EPHA2: variants seen among roughly 807,000 people sequenced by gnomAD.
The protein encoded by EPHA2 is ephrin type-A receptor 2.
Under a neutral mutation model 104.9 loss-of-function variants are expected in EPHA2, and 54 were observed. The ratio of observed to expected loss-of-function variants is 0.51; its 90% CI spans 0.41 to 0.65. The LOEUF (loss-of-function observed/expected upper bound fraction) is 0.65, where lower values mean the gene tolerates loss of function less well. EPHA2 is among the 30% of genes least tolerant of loss of function. The probability of loss-of-function intolerance (pLI) is 0.00; values close to 1 mark genes in which losing one functional copy is unlikely to be tolerated. For missense variants in EPHA2, 1,117 were observed against 1,369.5 expected (o/e 0.82, Z 2.91); for synonymous variants, 560 against 559.1 (o/e 1.00, Z -0.02).
intron 3 of EPHA2, among the ~76,000 whole-genome samples, chr1:16,145,962 CGCT>C (rs2024924415): frequency 6.6e-6 from 1 of 152,204 alleles, no homozygotes; most frequent in South Asian, 2.1e-4. Context: ...GTGTGGATTC[CGCT>C]CGCATGTCTG....
chr1:16,138,051 C>G lies in EPHA2; in HGVS notation c.1114G>C (p.Glu372Gln), dbSNP rs778369677. 5 of 1,613,054 alleles carry G rather than the reference C, an allele frequency of 3.1e-6. No individual in the cohort carries two copies. The African/African-American group carries it at 6.7e-5, about 22-fold the overall frequency. Residue 372 changes from glutamate (E) to glutamine (Q), a missense_variant, in exon 5 of 17, where the codon GAG (glutamate) becomes CAG (glutamine). By Grantham distance (29) the Glu-to-Gln change is conservative. Transcript: ENST00000358432. ...YSVTCEQCWP[E>Q]SGECGPCEAS... ...TCACACGGCCCGCATTCCCCAGACT[C>G]GGGCCAGCACTGTTCGCAGGTGACG...
chr1:16,129,154 CAT>C (rs2024525347), intron 16 of EPHA2, among the ~76,000 whole-genome samples: 1 of 151,120 alleles, frequency 6.6e-6, no homozygotes, highest in Non-Finnish European at 1.5e-5. Context: ...AGAGACGGCA[CAT>C]AGCCCTCAGT....
At position 16,148,597 on chromosome 1, in the gene EPHA2, G is replaced by T; in HGVS notation, c.604C>A (p.Pro202Thr). ...TGGGCCAGGCCCTGCAGCAGCTCGGGGCACTTCTTGTAGTAGACACGGACG... is the reference window on the plus strand; with the variant it reads ...TGGGCCAGGCCCTGCAGCAGCTCGGTGCACTTCTTGTAGTAGACACGGACG... Reference protein sequence around the residue: ...LSVRVYYKKCPELLQGLAHFP... With the variant: ...LSVRVYYKKCTELLQGLAHFP... Residue 202 changes from proline to threonine, a missense_variant, in exon 3 of 17, where the codon CCC becomes ACC. By Grantham distance (38) the Pro-to-Thr change is conservative (BLOSUM62 -1). Coordinates refer to ENST00000358432, the MANE Select transcript of EPHA2 (RefSeq NM_004431.5). The surrounding 1 kb of genome is among the most constrained non-coding windows in gnomAD (Gnocchi z 4.9). 6.2e-7 allele frequency: 1 copy of T among 1,610,224 alleles called. No homozygotes were observed. Among genetic ancestry groups the T allele is most frequent in the Non-Finnish European group, 8.5e-7 (1 of 1,179,986 alleles).
chr1:16,135,574 TG>T lies in EPHA2; in HGVS notation c.1428+80del, dbSNP rs765551238. The T allele has an allele frequency of 1.5e-6, 2 of 1,330,774 alleles. No homozygotes were observed. Among genetic ancestry groups the T allele is most frequent in the Non-Finnish European group, 1.1e-6 (1 of 923,750 alleles). 82.4% of individuals were successfully genotyped at this position (1,330,774 alleles called of 1,614,324 possible). The stretch of plus-strand genomic sequence containing the variant: ...AAGGGTGCTTCTTCAGATGGCTGGG[TG>T]GTTTGGTGATCATCTATGTGACCAG... On this transcript the variant is annotated intron_variant, in intron 6 of 16. Transcript: ENST00000358432. The surrounding 1 kb of genome is among the most constrained non-coding windows in gnomAD (Gnocchi z 4.3).
Position 16,148,137 on chromosome 1 carries a change from A to C in EPHA2, c.823+241T>G, listed in dbSNP as rs1275034527. On this transcript the variant is annotated intron_variant, in intron 3 of 16. Transcript: ENST00000358432. The surrounding 1 kb of genome is among the most constrained non-coding windows in gnomAD (Gnocchi z 4.9). ...GTGATCCACCCACCTCAGCCTCCCA[A>C]AGTGCTGGGATTACAGGCATGAGCC... Among the ~76,000 whole-genome samples, 1 of 152,062 alleles carries C rather than the reference A, an allele frequency of 6.6e-6. No homozygotes were observed. Among genetic ancestry groups the C allele is most frequent in the African/African-American group, 2.4e-5 (1 of 41,414 alleles).
chr1:16,133,745 G>C (rs966475470), intron 9 of EPHA2, 115 bp downstream of exon 9: 1 of 1,484,706 alleles, frequency 6.7e-7, no homozygotes, highest in African/African-American at 1.4e-5. Context: ...AGCTGCCCAC[G>C]GAAGCCTGTG....
Position 16,132,450 on chromosome 1 carries a change from G to A in EPHA2, c.2054-11C>T, listed in dbSNP as rs767606255. ...TCATCATGGGCTTGTCTGTAGGGGG[G>A]TGGGCACAGGTGAGAGGTAAGTGGG... On this transcript the variant is annotated splice_polypyrimidine_tract_variant and intron_variant, in intron 11 of 16. Coordinates refer to ENST00000358432, the MANE Select transcript of EPHA2 (RefSeq NM_004431.5). The A allele has an allele frequency of 1.9e-6, 3 of 1,613,516 alleles. No homozygotes were observed. The African/African-American group carries it at 4.0e-5, about 22-fold the overall frequency.
rs780914043 is a variant in EPHA2 at position 16,130,456 on chromosome 1, A to G, written c.2476-37T>C. ...CGAAGGTCAGGGGCGCTGTTGCAGA[A>G]AGCCACTGAAACCCTCTGCAGCCTC... is the stretch of plus-strand genomic sequence containing the variant. On this transcript the variant is annotated intron_variant, in intron 14 of 16. Transcript: ENST00000358432. This position sits in a 1 kb window ranked among gnomAD's most constrained non-coding sequence, Gnocchi z 4.5. 44 of 1,521,384 alleles carry G rather than the reference A, an allele frequency of 2.9e-5. No individual in the cohort carries two copies. Among genetic ancestry groups the G allele is most frequent in the Non-Finnish European group, 3.3e-5 (37 of 1,132,416 alleles). 94.2% of individuals were successfully genotyped at this position (1,521,384 alleles called of 1,614,324 possible).
In EPHA2 at chr1:16,131,873, G is replaced by A. The variant is rs2124199572; in HGVS notation, c.2326-3C>T. On this transcript the variant is annotated splice_region_variant and splice_polypyrimidine_tract_variant and intron_variant, in intron 13 of 16. Transcript: ENST00000358432. The surrounding 1 kb of genome is among the most constrained non-coding windows in gnomAD (Gnocchi z 5.2). ...CAGCGGATGGGGATCTTGCCGCCCT[G>A]CAGGGAACCCAGGCCCAGTCACCAC... 6.2e-7 allele frequency: 1 copy of A among 1,613,474 alleles called. No homozygotes were observed. The highest frequency in any genetic ancestry group is 1.3e-5 in the African/African-American group (1 of 75,046).
In EPHA2 at chr1:16,148,495, C is replaced by G. The variant is rs753911203; in HGVS notation, c.706G>C (p.Val236Leu). 1 of 1,613,840 alleles carries G rather than the reference C, an allele frequency of 6.2e-7. No individual in the cohort carries two copies. The highest frequency in any genetic ancestry group is 2.2e-5 in the East Asian group (1 of 44,890). Reference protein sequence around the residue: ...VAGTCVDHAVVPPGGEEPRMH... With the variant: ...VAGTCVDHAVLPPGGEEPRMH... ...CGGGGCTCTTCACCCCCCGGTGGCA[C>G]CACGGCATGGTCCACACAGGTGCCG... Residue 236 changes from valine (V) to leucine (L), a missense_variant, in exon 3 of 17, where the codon GTG becomes CTG. By Grantham distance (32) the Val-to-Leu change is conservative. Around this residue, in one of 3 missense-constraint regions of EPHA2, gnomAD observed 664 missense variants for 784.8 expected, o/e 0.85. Coordinates refer to ENST00000358432, the MANE Select transcript of EPHA2 (RefSeq NM_004431.5). The surrounding 1 kb of genome is among the most constrained non-coding windows in gnomAD (Gnocchi z 4.9).
At chr1:16,126,884 C>T (rs1570392432) in intron 16 of EPHA2, among the ~76,000 whole-genome samples, 2 of 152,168 alleles carry the variant, frequency 1.3e-5, no homozygotes, top group Admixed American at 6.5e-5. Context: ...CACCTGCTCC[C>T]GCCCCCACCC....
rs751558238 is a variant in EPHA2 at position 16,134,532 on chromosome 1, C to T, written c.1618G>A (p.Gly540Ser). The change falls in exon 8 of 17, where the codon GGC becomes AGC. Residue 540 changes from glycine (G) to serine (S), a missense_variant. Around this residue, in one of 3 missense-constraint regions of EPHA2, gnomAD observed 664 missense variants for 784.8 expected, o/e 0.85. Coordinates refer to ENST00000358432, the MANE Select transcript of EPHA2 (RefSeq NM_004431.5). This position sits in a 1 kb window ranked among gnomAD's most constrained non-coding sequence, Gnocchi z 4.5. ...AGCAGGACCACACCGACAGCCACGCCGCCAATCACCGCCAAGTTGCCAGAT... is the reference window on the plus strand; with the variant it reads ...AGCAGGACCACACCGACAGCCACGCTGCCAATCACCGCCAAGTTGCCAGAT... ...EGSGNLAVIG[G>S]VAVGVVLLLV... 1.2e-5 allele frequency: 19 copies of T among 1,613,998 alleles called. No homozygotes were observed. In the Admixed American group the frequency reaches 1.8e-4, roughly 16 times the overall value.
chr1:16,146,330 A>AC lies in EPHA2; in HGVS notation c.823+2047dup, dbSNP rs766694132. 5 of 151,580 alleles carry AC rather than the reference A, an allele frequency of 3.3e-5. No homozygotes were observed. The East Asian group carries it at 9.7e-4, about 29-fold the overall frequency. The allele number at this position is 151,580 out of a possible 1,614,324, so 9.4% of individuals were successfully genotyped here. A position where few individuals can be genotyped will look rare whatever the true frequency, so the allele number is the denominator to read the frequency against. On this transcript the variant is annotated intron_variant, in intron 3 of 16. Transcript: ENST00000358432. ...GCAAACAAAATCTGCCAGAACCCTGACCCCCCACCTCTAGAGGAGGGAAGG... is the reference window on the plus strand; with the variant it reads ...GCAAACAAAATCTGCCAGAACCCTGACCCCCCCACCTCTAGAGGAGGGAAGG...
intron 16 of EPHA2, among the ~76,000 whole-genome samples, chr1:16,126,466 G>C (rs926627873): frequency 6.6e-6 from 1 of 152,202 alleles, no homozygotes; most frequent in Non-Finnish European, 1.5e-5. Context: ...AGCAGGGAAG[G>C]GCAGACCCAG....
chr1:16,136,713 A>AAGAAG (rs1553135584), intron 5 of EPHA2, among the ~76,000 whole-genome samples: 4 of 102,734 alleles, frequency 3.9e-5, no homozygotes, highest in African/African-American at 5.5e-5. Context: ...AAGAAGAAGA[A>AAGAAG]AAGAAGAAGA....
intron 3 of EPHA2, among the ~76,000 whole-genome samples, chr1:16,142,541 G>T (rs769005646): frequency 6.6e-6 from 1 of 151,980 alleles, no homozygotes; most frequent in African/African-American, 2.4e-5. Flanking sequence ...GTAGATGAGT[G>T]TGTGGATGGA....
chr1:16,153,040 C>G (rs1211031840), intron 1 of EPHA2: 1 of 839,496 alleles, frequency 1.2e-6, no homozygotes, highest in Non-Finnish European at 1.4e-6. Flanking sequence ...GGGAGCCCCT[C>G]GGCTGACCCA....
At chr1:16,147,725 C>T (rs997475193) in intron 3 of EPHA2, among the ~76,000 whole-genome samples, 4 of 151,104 alleles carry the variant, frequency 2.6e-5, no homozygotes, top group African/African-American at 9.7e-5. Flanking sequence ...CTCCATTTTA[C>T]AGATGAGGAA....
At chr1:16,129,677 A>T in intron 15 of EPHA2, 88 bp from the exon 16 acceptor site, 1 of 1,483,948 alleles carries the variant, frequency 6.7e-7, no homozygotes, top group Non-Finnish European at 9.0e-7. Flanking sequence ...TGGATGATTG[A>T]CTCGGCTGCC....
Sources: gnomAD v4.1 joint callset for allele counts (sites outside exome capture counted in the v4.1 genomes callset) on GRCh38, gnomAD v4.1.1 for gene constraint, gnomAD v4.1.1 regional missense constraint, Gnocchi (gnomAD v3.1) non-coding constraint, MANE v1.5 for transcripts, NCBI Gene and HGNC (gene_info 2026-07-23, HGNC 2026-07-21) for gene names.